The following NXPE2 variants were observed in gnomAD, a reference collection of about 807,000 sequenced individuals.
The protein encoded by NXPE2 is neurexophilin and PC-esterase domain family member 2.
Under a neutral mutation model 34.4 loss-of-function variants are expected in NXPE2, and 34 were observed. The observed-to-expected ratio is 0.99, with a 90% CI of 0.75 to 1.31. NXPE2 has a LOEUF of 1.31. Ranked by LOEUF, NXPE2 falls within the 40% of genes most tolerant of loss-of-function variation. NXPE2 has a pLI of 0.00. For synonymous variants in NXPE2, 235 were observed against 231.3 expected, an observed-to-expected ratio of 1.02 and a Z score of -0.15; for missense variants, 649 against 672.5, an observed-to-expected ratio of 0.97 and a Z score of 0.39.
chr11:114,706,347 A>C (rs1951471980), intron 5 of NXPE2, 48 bp from the exon 6 acceptor site: 3 of 1,420,346 alleles, frequency 2.1e-6, no homozygotes, highest in Non-Finnish European at 2.8e-6. Flanking sequence ...GTTTAAAGTT[A>C]TATCATTTTC....
At chr11:114,513,354 T>G in the NXPE2 span, 1 of 425,920 alleles carries the variant, frequency 2.3e-6, no homozygotes, top group South Asian at 2.3e-5. Context: ...CTTAGCTTAG[T>G]CTCTGCTGCT....
chr11:114,615,064 G>T, the NXPE2 span, among the ~76,000 whole-genome samples: 1 of 151,892 alleles, frequency 6.6e-6, no homozygotes, highest in Non-Finnish European at 1.5e-5. Flanking sequence ...TGCCTCGTGG[G>T]TAACAATTCT....
the NXPE2 span, among the ~76,000 whole-genome samples, chr11:114,744,937 G>A: frequency 3.3e-5 from 5 of 152,110 alleles, no homozygotes; most frequent in Admixed American, 6.5e-5. Flanking sequence ...TTTAAAAATA[G>A]TTAATAAATA....
the NXPE2 span, among the ~76,000 whole-genome samples, chr11:114,766,082 G>A: frequency 2.0e-5 from 3 of 152,136 alleles, no homozygotes; most frequent in African/African-American, 7.2e-5. Context: ...TAGACTGATA[G>A]AATCTTATCG....
the NXPE2 span, among the ~76,000 whole-genome samples, chr11:114,487,191 A>G: frequency 6.6e-6 from 1 of 152,034 alleles, no homozygotes; most frequent in Non-Finnish European, 1.5e-5. Flanking sequence ...TATAGTTTTC[A>G]TTATAGAGAG....
At chr11:114,628,310 A>G in the NXPE2 span, among the ~76,000 whole-genome samples, 71 of 152,028 alleles carry the variant, frequency 4.7e-4, no homozygotes, top group African/African-American at 1.2e-3. Flanking sequence ...CAGAAATTAT[A>G]ACAAACTGTC....
chr11:114,647,445 CTTAT>C, the NXPE2 span, among the ~76,000 whole-genome samples: 2 of 152,050 alleles, frequency 1.3e-5, no homozygotes, highest in Non-Finnish European at 2.9e-5. Flanking sequence ...CTATCTAGTG[CTTAT>C]TTAAAGGGGG....
the NXPE2 span, among the ~76,000 whole-genome samples, chr11:114,626,160 G>C: frequency 6.6e-6 from 1 of 152,158 alleles, no homozygotes; most frequent in South Asian, 2.1e-4. Flanking sequence ...AGCTCGAACT[G>C]GGTGGAGCCC....
the NXPE2 span, among the ~76,000 whole-genome samples, chr11:114,601,539 A>ATATATTATATATAAT: frequency 1.0e-5 from 1 of 98,668 alleles, no homozygotes; most frequent in Non-Finnish European, 2.0e-5. Context: ...TATATATAAT[A>ATATATTATATATAAT]TATATTATTT....
the NXPE2 span, among the ~76,000 whole-genome samples, chr11:114,526,209 A>T: frequency 6.6e-6 from 1 of 152,214 alleles, no homozygotes; most frequent in Non-Finnish European, 1.5e-5. Context: ...AGGAAGGAAC[A>T]TGCTCCTGCT....
At chr11:114,465,395 A>C in the NXPE2 span, among the ~76,000 whole-genome samples, 1 of 152,218 alleles carries the variant, frequency 6.6e-6, no homozygotes. Context: ...CTGCAAAAGA[A>C]TAATACCATA....
intron 2 of NXPE2, among the ~76,000 whole-genome samples, chr11:114,688,743 A>T (rs899909849): frequency 6.6e-6 from 1 of 151,896 alleles, no homozygotes; most frequent in Non-Finnish European, 1.5e-5. Context: ...TAGGTTTTTA[A>T]ACAATTATTA....
chr11:114,695,145 T>C (rs577609427), intron 2 of NXPE2, among the ~76,000 whole-genome samples: 1 of 152,308 alleles, frequency 6.6e-6, no homozygotes, highest in East Asian at 1.9e-4. Flanking sequence ...TACAATTTCC[T>C]CCAGTGTCCA....
chr11:114,642,217 C>T, the NXPE2 span, among the ~76,000 whole-genome samples: 1 of 151,898 alleles, frequency 6.6e-6, no homozygotes, highest in Non-Finnish European at 1.5e-5. Flanking sequence ...TCCTTCTCCC[C>T]CAGTTCAAAA....
the NXPE2 span, among the ~76,000 whole-genome samples, chr11:114,763,112 C>T: frequency 1.3e-5 from 2 of 152,088 alleles, no homozygotes; most frequent in African/African-American, 2.4e-5. Flanking sequence ...TAAGTAGCTT[C>T]ATAAACTTGT....
chr11:114,702,998 C>T (rs1283624436), intron 3 of NXPE2, among the ~76,000 whole-genome samples: 2 of 152,160 alleles, frequency 1.3e-5, no homozygotes, highest in African/African-American at 4.8e-5. Flanking sequence ...AGAGTGAATT[C>T]AATTTGGCTG....
chr11:114,540,885 T>TTTTTTTTTTTTG, the NXPE2 span, among the ~76,000 whole-genome samples: 15 of 81,242 alleles, frequency 1.8e-4, 3 homozygotes, highest in Non-Finnish European at 2.9e-4. Flanking sequence ...TTTTTTTTTT[T>TTTTTTTTTTTTG]GGCTTGAACA....
chr11:114,601,652 T>TA, the NXPE2 span, among the ~76,000 whole-genome samples: 1 of 73,594 alleles, frequency 1.4e-5, no homozygotes, highest in South Asian at 4.2e-4. Context: ...TATAATTATA[T>TA]ATTATAAATA....
At chr11:114,655,352 A>G in the NXPE2 span, among the ~76,000 whole-genome samples, 4 of 151,862 alleles carry the variant, frequency 2.6e-5, no homozygotes, top group African/African-American at 9.7e-5. Context: ...GTCAATTTTC[A>G]CTTTTTTTGC....
Sources: allele counts gnomAD v4.1 joint callset (sites outside exome capture counted in the v4.1 genomes callset), GRCh38; gene constraint gnomAD v4.1.1; transcripts MANE v1.5; gene names NCBI Gene and HGNC (gene_info 2026-07-23, HGNC 2026-07-21).